The following TRAF3IP1 variants were observed in gnomAD, a reference collection of about 807,000 sequenced individuals.
TRAF3IP1 encodes TRAF3-interacting protein 1.
Under a neutral mutation model 89.9 loss-of-function variants are expected in TRAF3IP1, and 53 were observed. The ratio of observed to expected loss-of-function variants is 0.59; its 90% CI spans 0.47 to 0.74. The LOEUF is 0.74. Ranked by LOEUF, TRAF3IP1 falls within the 30% of genes least tolerant of loss-of-function variation. The pLI is 0.00. For synonymous variants in TRAF3IP1, 311 were observed against 322.1 expected, an observed-to-expected ratio of 0.97 and a Z score of 0.37; for missense variants, 806 against 866.1, an observed-to-expected ratio of 0.93 and a Z score of 0.87.
At chr2:238,328,398 C>T (rs947588679) in intron 3 of TRAF3IP1, among the ~76,000 whole-genome samples, 4 of 152,138 alleles carry the variant, frequency 2.6e-5, no homozygotes, top group African/African-American at 9.7e-5. Context: ...CTTTATTAAC[C>T]TTGAACACAC....
chr2:238,385,173 G>A (rs1025328455), intron 15 of TRAF3IP1, among the ~76,000 whole-genome samples: 1 of 151,902 alleles, frequency 6.6e-6, no homozygotes, highest in Non-Finnish European at 1.5e-5. Context: ...CTGCCACCAC[G>A]CCCGGCTAAT....
At chr2:238,353,338 G>A (rs61451094) in intron 14 of TRAF3IP1, 129 bp downstream of exon 14, 50 of 947,648 alleles carry the variant, frequency 5.3e-5, no homozygotes, top group African/African-American at 4.9e-4. Flanking sequence ...TCACACTGGC[G>A]GGATCACACT....
chr2:238,346,014 T>C (rs1354211384), intron 9 of TRAF3IP1, among the ~76,000 whole-genome samples: 2 of 152,140 alleles, frequency 1.3e-5, no homozygotes, highest in Non-Finnish European at 2.9e-5. Flanking sequence ...ACTGCACCTC[T>C]CAGGCACCTT....
chr2:238,394,451 T>C (rs988524082), intron 15 of TRAF3IP1, among the ~76,000 whole-genome samples: 1 of 152,216 alleles, frequency 6.6e-6, no homozygotes. Context: ...TAGATTTCCT[T>C]TGATTTCTTT....
Position 238,351,850 on chromosome 2 carries a change from TGTGTGTGTGTGTGTGTGCGC to T in TRAF3IP1, c.1452-975_1452-956del, listed in dbSNP as rs1559371274. Among the ~76,000 whole-genome samples the T allele has an allele frequency of 6.7e-6, 1 of 148,466 alleles. No homozygotes were observed. The highest frequency in any genetic ancestry group is 2.5e-5 in the African/African-American group (1 of 39,844). On this transcript the variant is annotated intron_variant, in intron 12 of 16. Transcript: ENST00000373327. The surrounding 1 kb of genome is among the most constrained non-coding windows in gnomAD (Gnocchi z 5.2). The stretch of plus-strand genomic sequence containing the variant: ...GAGGATTTTGGTGTGTGTGTGTGTG[TGTGTGTGTGTGTGTGTGCGC>T]GCGCGCGCGTGTGCGTGCATGTGCT...
At chr2:238,381,141 ATTTT>A (rs148374609) in intron 15 of TRAF3IP1, among the ~76,000 whole-genome samples, 1 of 133,092 alleles carries the variant, frequency 7.5e-6, no homozygotes, top group Non-Finnish European at 1.6e-5. Context: ...TTATTTATTT[ATTTT>A]TTTTTTTTTC....
chr2:238,382,871 C>T (rs1037590187), intron 15 of TRAF3IP1, among the ~76,000 whole-genome samples: 39 of 152,164 alleles, frequency 2.6e-4, no homozygotes, highest in African/African-American at 8.9e-4. Context: ...ACAAGAGCCT[C>T]GTTGCCTCCT....
rs1425544769 is a variant in TRAF3IP1 at position 238,379,993 on chromosome 2, C to A, written c.1690-17466C>A. Among the ~76,000 whole-genome samples, 1 of 152,176 alleles carries A rather than the reference C, an allele frequency of 6.6e-6. No homozygotes were observed. The highest frequency in any genetic ancestry group is 1.9e-4 in the East Asian group (1 of 5,204). ...TAAAGTCCATTTTAAAACTTAGATT[C>A]TTTTGCTGCTGCTGCCTATGAGATG... On this transcript the variant is annotated intron_variant, in intron 15 of 16. Coordinates refer to ENST00000373327, the MANE Select transcript of TRAF3IP1 (RefSeq NM_015650.4). This position sits in a 1 kb window ranked among gnomAD's most constrained non-coding sequence, Gnocchi z 4.0.
At chr2:238,367,973 C>T (rs1699956520) in intron 15 of TRAF3IP1, among the ~76,000 whole-genome samples, 1 of 139,834 alleles carries the variant, frequency 7.2e-6, no homozygotes. Flanking sequence ...TCTTCAGCTT[C>T]CCTTTGAAAA....
intron 15 of TRAF3IP1, among the ~76,000 whole-genome samples, chr2:238,369,867 T>C (rs1224986588): frequency 1.3e-5 from 2 of 152,238 alleles, no homozygotes; most frequent in Non-Finnish European, 1.5e-5. Context: ...ACTTGGACTC[T>C]GTGGGCTGTA....
chr2:238,368,856 A>G (rs887596663), intron 15 of TRAF3IP1, among the ~76,000 whole-genome samples: 2 of 152,032 alleles, frequency 1.3e-5, no homozygotes, highest in African/African-American at 4.8e-5. Flanking sequence ...TATTTTTAGT[A>G]GAGACAGAGT....
intron 8 of TRAF3IP1, among the ~76,000 whole-genome samples, chr2:238,340,286 C>A (rs2106379804): frequency 6.6e-6 from 1 of 152,294 alleles, no homozygotes; most frequent in Middle Eastern, 3.4e-3. Context: ...TTAATTTCTT[C>A]ATTGAGGGTG....
chr2:238,355,078 A>T (rs1230238514), intron 14 of TRAF3IP1, among the ~76,000 whole-genome samples: 1 of 152,068 alleles, frequency 6.6e-6, no homozygotes, highest in Non-Finnish European at 1.5e-5. Context: ...TGCCAATTGG[A>T]TATCACTAAG....
rs557101734 is a variant in TRAF3IP1 at position 238,352,767 on chromosome 2, A to G, written c.1452-60A>G. On this transcript the variant is annotated intron_variant, in intron 12 of 16. Transcript: ENST00000373327. Reference sequence around the variant, plus strand: ...CTCTGCCGACCTCTGACACAGTTTCAGATGCTTGGGACTGATGAAAATGTG... The same window carrying G: ...CTCTGCCGACCTCTGACACAGTTTCGGATGCTTGGGACTGATGAAAATGTG... 1.1e-4 allele frequency: 168 copies of G among 1,521,930 alleles called. No individual in the cohort carries two copies. In the African/African-American group the frequency reaches 1.8e-3, roughly 16 times the overall value. The allele number at this position is 1,521,930 out of a possible 1,614,324, so 94.3% of individuals were successfully genotyped here. A position where few individuals can be genotyped will look rare whatever the true frequency, so the allele number is the denominator to read the frequency against.
chr2:238,374,389 C>T (rs184235547), intron 15 of TRAF3IP1, among the ~76,000 whole-genome samples: 5 of 151,986 alleles, frequency 3.3e-5, no homozygotes, highest in Admixed American at 6.6e-5. Flanking sequence ...TTGAGATAAT[C>T]GTGGTTTTTG....
chr2:238,336,847 C>G (rs562575712), intron 7 of TRAF3IP1, among the ~76,000 whole-genome samples: 1 of 152,212 alleles, frequency 6.6e-6, no homozygotes, highest in East Asian at 1.9e-4. Flanking sequence ...TAGCATGAAA[C>G]AGCTTGGTAA....
intron 15 of TRAF3IP1, among the ~76,000 whole-genome samples, chr2:238,396,216 C>T (rs1434902395): frequency 1.3e-5 from 2 of 152,032 alleles, no homozygotes; most frequent in Admixed American, 1.3e-4. Flanking sequence ...ATGATGAGTT[C>T]ATGTCCTTTG....
chr2:238,325,266 T>A (rs371896496), intron 1 of TRAF3IP1, 40 bp from the exon 2 acceptor site: 3 of 1,603,790 alleles, frequency 1.9e-6, no homozygotes, highest in South Asian at 1.1e-5. Flanking sequence ...GAGGAGGCTG[T>A]CTGTGAGGTG....
At chr2:238,328,650 A>T (rs1195163148) in intron 3 of TRAF3IP1, 36 bp from the exon 4 acceptor site, 1 of 1,600,132 alleles carries the variant, frequency 6.2e-7, no homozygotes. Flanking sequence ...ATCTCATTTC[A>T]CCTAACACCT....
Sources: gnomAD v4.1 joint callset for allele counts (sites outside exome capture counted in the v4.1 genomes callset) on GRCh38, gnomAD v4.1.1 for gene constraint, Gnocchi (gnomAD v3.1) non-coding constraint, MANE v1.5 for transcripts, NCBI Gene and HGNC (gene_info 2026-07-23, HGNC 2026-07-21) for gene names.